Variants in MYO5A observed in about 807,000 individuals in gnomAD.
The protein encoded by MYO5A is myosin VA, also known as unconventional myosin-Va.
A neutral mutation model predicts 249.7 loss-of-function variants in MYO5A; 98 were observed. The observed-to-expected ratio is 0.39, with a 90% CI of 0.33 to 0.46. The LOEUF (loss-of-function observed/expected upper bound fraction) is 0.46. MYO5A is among the 20% of genes least tolerant of loss of function. The pLI, the probability that MYO5A is intolerant of heterozygous loss-of-function variation, is 0.98. For synonymous variants in MYO5A, 778 were observed against 810.6 expected (o/e 0.96, Z 0.68); for missense variants, 1,696 against 2,308.8 (o/e 0.73, Z 5.44).
chr15:52,490,792 G>T (rs577394562), intron 1 of MYO5A, among the ~76,000 whole-genome samples: 218 of 152,258 alleles, frequency 1.4e-3, no homozygotes, highest in African/African-American at 5.1e-3. Context: ...GATGATCACA[G>T]CTCACTGCAA....
intron 31 of MYO5A, among the ~76,000 whole-genome samples, chr15:52,340,700 A>T (rs1469470777): frequency 6.6e-6 from 1 of 152,124 alleles, no homozygotes; most frequent in Non-Finnish European, 1.5e-5. Flanking sequence ...TAATCTCAGC[A>T]CTTTGGGAGG....
At chr15:52,454,715 G>C (rs2076085185) in intron 1 of MYO5A, among the ~76,000 whole-genome samples, 1 of 152,046 alleles carries the variant, frequency 6.6e-6, no homozygotes, top group African/African-American at 2.4e-5. Flanking sequence ...ACATGCTCCT[G>C]AATGACCAAA....
At chr15:52,513,358 G>A (rs954280047) in intron 1 of MYO5A, among the ~76,000 whole-genome samples, 4 of 149,722 alleles carry the variant, frequency 2.7e-5, no homozygotes, top group African/African-American at 9.8e-5. Flanking sequence ...CTGAACCCGG[G>A]AGGCAGAGGT....
At position 52,310,700 on chromosome 15, in the gene MYO5A, A is replaced by T. The variant is rs1028751427; in HGVS notation, c.*2996T>A. On this transcript the variant is annotated 3_prime_UTR_variant, in exon 42 of 42. Transcript: ENST00000399233. ...TAGACGATTAAGTTGAGGGAAGGGG[A>T]AGAGTGAATGAGTAGGGGAAAGGCT... 1 of 152,356 alleles carries T rather than the reference A, an allele frequency of 6.6e-6. No individual in the cohort carries two copies. Among genetic ancestry groups the T allele is most frequent in the Non-Finnish European group, 1.5e-5 (1 of 68,158 alleles). The allele number at this position is 152,356 out of a possible 1,614,324, so 9.4% of individuals were successfully genotyped here. A position where few individuals can be genotyped will look rare whatever the true frequency, so the allele number is the denominator to read the frequency against.
intron 11 of MYO5A, among the ~76,000 whole-genome samples, chr15:52,394,914 T>C (rs574512009): frequency 2.6e-5 from 4 of 152,376 alleles, no homozygotes; most frequent in Admixed American, 6.5e-5. Context: ...TTAGTAGTCA[T>C]CTTATTATGG....
In MYO5A at chr15:52,410,446, C is replaced by A. The variant is rs1255460313; in HGVS notation, c.643G>T (p.Asp215Tyr). Residue 215 changes from aspartate to tyrosine, a missense_variant, in exon 6 of 42, where the codon GAT (aspartate) becomes TAT (tyrosine). By Grantham distance (160) the Asp-to-Tyr change is radical. Coordinates refer to ENST00000399233, the MANE Select transcript of MYO5A (RefSeq NM_001382347.1). Reference sequence around the variant, plus strand: ...TACTTCCCAAAACGGCTGCTATTATCATTCCTGGTTGTTTTAGCATTTCCA... The same window carrying A: ...TACTTCCCAAAACGGCTGCTATTATAATTCCTGGTTGTTTTAGCATTTCCA... ...SIGNAKTTRN[D>Y]NSSRFGKYIE... 1.2e-6 allele frequency: 2 copies of A among 1,613,588 alleles called. No individual in the cohort carries two copies. Among genetic ancestry groups the A allele is most frequent in the African/African-American group, 2.7e-5 (2 of 74,902 alleles).
At chr15:52,407,518 G>T in intron 7 of MYO5A, 119 bp from the exon 8 acceptor site, 1 of 529,616 alleles carries the variant, frequency 1.9e-6, no homozygotes, top group South Asian at 3.1e-5. Context: ...TCTAGAGTTT[G>T]ACTGCCTGTG....
In MYO5A at chr15:52,433,218, T is replaced by C. The variant is rs2075580117; in HGVS notation, c.95A>G (p.Lys32Arg). The change falls in exon 2 of 42, where the codon AAG (lysine) becomes AGG (arginine). Residue 32 changes from lysine to arginine, a missense_variant. By Grantham distance (26) the Lys-to-Arg change is conservative (BLOSUM62 2). This residue lies in a region of MYO5A where 197 missense variants were observed against 320.3 expected (regional missense o/e 0.62). Coordinates refer to ENST00000399233, the MANE Select transcript of MYO5A (RefSeq NM_001382347.1). The part of the protein sequence containing the change: ...WKSAELLKDY[K>R]PGDKVLLLHL... ...AAGCAGGAGGACTTTATCTCCTGGC[T>C]TATAATCTTTGAGCAGCTCTGCTGA... 4 of 1,613,832 alleles carry C rather than the reference T, an allele frequency of 2.5e-6. No individual in the cohort carries two copies. Among genetic ancestry groups the C allele is most frequent in the Non-Finnish European group, 3.4e-6 (4 of 1,179,816 alleles).
chr15:52,516,754 G>A (rs1253308503), intron 1 of MYO5A, among the ~76,000 whole-genome samples: 4 of 152,196 alleles, frequency 2.6e-5, no homozygotes, highest in African/African-American at 7.2e-5. Flanking sequence ...AACTGTCCCC[G>A]AAAGCAAAGG....
intron 24 of MYO5A, among the ~76,000 whole-genome samples, chr15:52,361,454 T>C (rs2040521197): frequency 6.6e-6 from 1 of 152,286 alleles, no homozygotes; most frequent in South Asian, 2.1e-4. Context: ...AGAAGCAACA[T>C]TGCTTTTTGC....
intron 16 of MYO5A, 121 bp from the exon 17 acceptor site, chr15:52,380,029 G>A: frequency 1.0e-6 from 1 of 967,332 alleles, no homozygotes; most frequent in East Asian, 2.6e-5. Flanking sequence ...AGAAAAGAAA[G>A]CTTTCAGAAG....
chr15:52,510,276 C>T (rs1188645983), intron 1 of MYO5A, among the ~76,000 whole-genome samples: 9 of 152,220 alleles, frequency 5.9e-5, no homozygotes, highest in African/African-American at 1.9e-4. Context: ...ACTACTCCAT[C>T]TATTTCACCA....
intron 11 of MYO5A, among the ~76,000 whole-genome samples, chr15:52,394,675 G>A (rs1213491850): frequency 6.6e-6 from 1 of 152,222 alleles, no homozygotes; most frequent in Non-Finnish European, 1.5e-5. Flanking sequence ...AAACACACAT[G>A]CAGACAGGAG....
rs1191446440 is a variant in MYO5A at position 52,319,229 on chromosome 15, T to C, written c.5065A>G (p.Ile1689Val). 1.9e-6 allele frequency: 3 copies of C among 1,614,184 alleles called. No individual in the cohort carries two copies. Among genetic ancestry groups the C allele is most frequent in the Admixed American group, 3.3e-5 (2 of 60,022 alleles). The change falls in exon 39 of 42, where the codon ATC becomes GTC. Residue 1689 changes from isoleucine (I) to valine (V), a missense_variant. Physicochemically the swap from Ile to Val is conservative, Grantham distance 29 (BLOSUM62 3). Around this residue, in one of 5 missense-constraint regions of MYO5A, gnomAD observed 625 missense variants for 908.1 expected, o/e 0.69. Coordinates refer to ENST00000399233, the MANE Select transcript of MYO5A (RefSeq NM_001382347.1). ...ADEGTYTLDS[I>V]LRQLNSFHSV... The stretch of plus-strand genomic sequence containing the variant: ...TGGAAGGAGTTGAGCTGCCGGAGGA[T>C]GGAGTCCAGTGTGTAGGTGCCCTCA...
At chr15:52,408,273 C>A (rs1273916314) in intron 6 of MYO5A, 133 bp from the exon 7 acceptor site, 7 of 629,526 alleles carry the variant, frequency 1.1e-5, no homozygotes, top group Non-Finnish European at 1.7e-5. Flanking sequence ...TTTCCTAATA[C>A]TTATTTCTGA....
chr15:52,403,309 C>A (rs552326468), intron 9 of MYO5A, among the ~76,000 whole-genome samples: 1 of 152,090 alleles, frequency 6.6e-6, no homozygotes, highest in African/African-American at 2.4e-5. Context: ...AAAGGTGAAA[C>A]AACTCAAATA....
intron 18 of MYO5A, among the ~76,000 whole-genome samples, chr15:52,377,721 C>A (rs910959274): frequency 6.6e-6 from 1 of 151,838 alleles, no homozygotes; most frequent in Non-Finnish European, 1.5e-5. Flanking sequence ...CAGGTAAACA[C>A]CACTACGTCC....
At chr15:52,319,413 C>A in intron 38 of MYO5A, 71 bp from the exon 39 acceptor site, 2 of 1,491,520 alleles carry the variant, frequency 1.3e-6, no homozygotes, top group Non-Finnish European at 1.9e-6. Flanking sequence ...TATCCATGTG[C>A]ACAAACACAT....
chr15:52,433,515 G>T (rs2075589740), intron 1 of MYO5A, among the ~76,000 whole-genome samples: 1 of 149,012 alleles, frequency 6.7e-6, no homozygotes, highest in African/African-American at 2.5e-5. Flanking sequence ...CTGCCTCCTG[G>T]GTTCAAGCAA....
Sources: gnomAD v4.1 joint callset for allele counts (sites outside exome capture counted in the v4.1 genomes callset) on GRCh38, gnomAD v4.1.1 for gene constraint, gnomAD v4.1.1 regional missense constraint, MANE v1.5 for transcripts, NCBI Gene and HGNC (gene_info 2026-07-23, HGNC 2026-07-21) for gene names.